Variants in BHMT2 observed in about 807,000 individuals in gnomAD.
BHMT2 encodes the protein betaine--homocysteine S-methyltransferase 2, also known as S-methylmethionine--homocysteine S-methyltransferase BHMT2.
A neutral mutation model predicts 39.0 loss-of-function variants in BHMT2; 28 were observed. The ratio of observed to expected loss-of-function variants is 0.72; its 90% CI spans 0.53 to 0.98. The LOEUF (loss-of-function observed/expected upper bound fraction) is 0.98, where lower values mean the gene tolerates loss of function less well. Among genes scored for constraint, BHMT2 ranks in the 50% least tolerant of loss-of-function variants. The probability of loss-of-function intolerance (pLI) is 0.00; values close to 1 mark genes in which losing one functional copy is unlikely to be tolerated. For missense variants in BHMT2, 410 were observed against 455.6 expected, an observed-to-expected ratio of 0.90 and a Z score of 0.91; for synonymous variants, 145 against 160.6, an observed-to-expected ratio of 0.90 and a Z score of 0.74.
chr5:79,080,612 T>C, intron 3 of BHMT2, 75 bp from the exon 4 acceptor site: 5 of 1,354,600 alleles, frequency 3.7e-6, no homozygotes, highest in Non-Finnish European at 5.0e-6. Flanking sequence ...TTGTTTATTG[T>C]CCCTTTAGTT....
intron 2 of BHMT2, 114 bp from the exon 3 acceptor site, chr5:79,079,255 G>A: frequency 1.4e-6 from 1 of 705,644 alleles, no homozygotes; most frequent in Non-Finnish European, 2.4e-6. Flanking sequence ...TTTGAACTGA[G>A]GTATGATTGA....
At chr5:79,083,130 A>T in intron 5 of BHMT2, 62 bp from the exon 6 acceptor site, 4 of 1,585,842 alleles carry the variant, frequency 2.5e-6, no homozygotes, top group Non-Finnish European at 3.4e-6. Flanking sequence ...GTACCTTCCA[A>T]CTATTAAAAA....
At chr5:79,069,942 C>T (rs1755518540) in intron 1 of BHMT2, 127 bp downstream of exon 1, 1 of 1,037,086 alleles carries the variant, frequency 9.6e-7, no homozygotes, top group Non-Finnish European at 1.3e-6. Context: ...CGGGATGGCC[C>T]TGAGCCTCAA....
At position 79,083,345 on chromosome 5, in the gene BHMT2, G is replaced by A. The variant is rs376553846; in HGVS notation, c.752G>A (p.Gly251Glu). 4.4e-6 allele frequency: 7 copies of A among 1,605,064 alleles called. No individual in the cohort carries two copies. The African/African-American group carries it at 8.1e-5, about 18-fold the overall frequency. Residue 251 changes from glycine (G) to glutamate (E), a missense_variant, in exon 6 of 8, where the codon GGG becomes GAG. Physicochemically the swap from Gly to Glu is moderately conservative, Grantham distance 98 (BLOSUM62 -2). Coordinates refer to ENST00000255192, the MANE Select transcript of BHMT2 (RefSeq NM_017614.5). Reference sequence around the variant, plus strand: ...CACGCGCCTGACTGTGGCAAAGAGGGGTTTGTGGATCTCCCAGAATATCCC... The same window carrying A: ...CACGCGCCTGACTGTGGCAAAGAGGAGTTTGTGGATCTCCCAGAATATCCC... ...GFHAPDCGKE[G>E]FVDLPEYPFG...
chr5:79,085,451 C>G (rs1256143893), intron 7 of BHMT2, among the ~76,000 whole-genome samples: 1 of 152,196 alleles, frequency 6.6e-6, no homozygotes, highest in East Asian at 1.9e-4. Flanking sequence ...GAGGCCGAGG[C>G]TGGTGGATCA....
At chr5:79,085,833 C>T (rs1174365338) in intron 7 of BHMT2, among the ~76,000 whole-genome samples, 5 of 152,242 alleles carry the variant, frequency 3.3e-5, no homozygotes, top group Non-Finnish European at 5.9e-5. Context: ...GAGAGGCCAG[C>T]GCGCTGCTTC....
chr5:79,069,972 G>A (rs549147416), intron 1 of BHMT2, among the ~76,000 whole-genome samples, 157 bp downstream of exon 1: 3 of 152,338 alleles, frequency 2.0e-5, no homozygotes, highest in Admixed American at 6.5e-5. Context: ...GTCACGGGTT[G>A]GTTAGCGTTT....
intron 2 of BHMT2, 116 bp from the exon 3 acceptor site, chr5:79,079,253 G>C (rs1580250054): frequency 1.4e-6 from 1 of 696,872 alleles, no homozygotes; most frequent in East Asian, 2.7e-5. Context: ...GGTTTGAACT[G>C]AGGTATGATT....
At chr5:79,072,567 G>T (rs1350914085) in intron 1 of BHMT2, among the ~76,000 whole-genome samples, 1 of 152,158 alleles carries the variant, frequency 6.6e-6, no homozygotes, top group East Asian at 1.9e-4. Flanking sequence ...ATATGTGGTG[G>T]TAGGGATATA....
At chr5:79,072,820 T>C (rs1473147325) in intron 1 of BHMT2, among the ~76,000 whole-genome samples, 1 of 152,126 alleles carries the variant, frequency 6.6e-6, no homozygotes, top group African/African-American at 2.4e-5. Flanking sequence ...TCAAATGCAG[T>C]GAGGATGGTG....
chr5:79,070,597 C>G (rs1441880468), intron 1 of BHMT2, among the ~76,000 whole-genome samples: 1 of 152,132 alleles, frequency 6.6e-6, no homozygotes, highest in African/African-American at 2.4e-5. Context: ...CCAGCCCTGT[C>G]ATTCAGAATG....
intron 3 of BHMT2, among the ~76,000 whole-genome samples, chr5:79,080,129 C>T (rs1386880930): frequency 1.3e-5 from 2 of 152,130 alleles, no homozygotes; most frequent in South Asian, 2.1e-4. Flanking sequence ...TGAGAAAAAA[C>T]GGGTTTGATA....
chr5:79,086,528 A>C (rs1755899591), intron 7 of BHMT2, among the ~76,000 whole-genome samples: 1 of 152,216 alleles, frequency 6.6e-6, no homozygotes, highest in Non-Finnish European at 1.5e-5. Context: ...AAATTGTTGC[A>C]TTTAGAAAAA....
At chr5:79,083,094 G>A in intron 5 of BHMT2, 98 bp from the exon 6 acceptor site, 3 of 1,574,126 alleles carry the variant, frequency 1.9e-6, no homozygotes, top group South Asian at 1.1e-5. Context: ...ATTGTGGGAG[G>A]TGGAGGGGAA....
At chr5:79,084,543 G>A (rs533696885) in intron 7 of BHMT2, among the ~76,000 whole-genome samples, 1 of 152,124 alleles carries the variant, frequency 6.6e-6, no homozygotes, top group East Asian at 1.9e-4. Context: ...AAGTTAGAGT[G>A]GGGCCTCTTT....
chr5:79,082,668 A>G (rs1755809030), intron 4 of BHMT2, 141 bp from the exon 5 acceptor site: 1 of 903,240 alleles, frequency 1.1e-6, no homozygotes, highest in Non-Finnish European at 1.7e-6. Context: ...AGTCTGATAG[A>G]CACACATTCC....
chr5:79,080,380 C>A (rs1057218277), intron 3 of BHMT2, among the ~76,000 whole-genome samples: 2 of 152,210 alleles, frequency 1.3e-5, no homozygotes, highest in African/African-American at 4.8e-5. Context: ...TACTGAGTAT[C>A]TGTTACAGTC....
At chr5:79,072,921 T>A (rs998367166) in intron 1 of BHMT2, among the ~76,000 whole-genome samples, 5 of 152,078 alleles carry the variant, frequency 3.3e-5, no homozygotes, top group African/African-American at 1.2e-4. Flanking sequence ...ATCTGAATTC[T>A]GTGCCAATGT....
At chr5:79,072,658 C>T (rs1321483831) in intron 1 of BHMT2, among the ~76,000 whole-genome samples, 2 of 152,134 alleles carry the variant, frequency 1.3e-5, no homozygotes, top group African/African-American at 4.8e-5. Context: ...TACTGCTGTA[C>T]AGGGGGATGC....
Sources: gnomAD v4.1 joint callset for allele counts (sites outside exome capture counted in the v4.1 genomes callset) on GRCh38, gnomAD v4.1.1 for gene constraint, MANE v1.5 for transcripts, NCBI Gene and HGNC (gene_info 2026-07-23, HGNC 2026-07-21) for gene names.